Variants in PUM2 observed in about 807,000 individuals in gnomAD.
PUM2 encodes pumilio RNA binding family member 2.
A neutral mutation model predicts 124.5 loss-of-function variants in PUM2; 57 were observed. That is an observed-to-expected ratio of 0.46 (90% CI 0.37 to 0.57). The LOEUF (loss-of-function observed/expected upper bound fraction) is 0.57. Ranked by LOEUF, PUM2 falls within the 20% of genes least tolerant of loss-of-function variation. The probability of loss-of-function intolerance (pLI) is 0.00; values close to 1 mark genes in which losing one functional copy is unlikely to be tolerated. For missense variants in PUM2, 1,065 were observed against 1,290.6 expected (o/e 0.83, Z 2.68); for synonymous variants, 460 against 446.1 (o/e 1.03, Z -0.39).
chr2:20,309,429 T>TAA lies in PUM2; in HGVS notation c.519-847_519-846dup, dbSNP rs781176010. On this transcript the variant is annotated intron_variant, in intron 5 of 20. Transcript: ENST00000361078. ...CAGCAAGAAAAGGATCTTTCTACAT[T>TAA]AAAAAAAAAAAAAAGGACCTTACTA... 1.7e-4 allele frequency among the ~76,000 whole-genome samples: 24 copies of TAA among 139,774 alleles called. No homozygotes were observed. In the East Asian group the frequency reaches 2.9e-3, roughly 17 times the overall value. 91.7% of individuals were successfully genotyped at this position (139,774 alleles called of 152,430 possible). A position where few individuals can be genotyped will look rare whatever the true frequency, so the allele number is the denominator to read the frequency against.
intron 1 of PUM2, among the ~76,000 whole-genome samples, chr2:20,334,775 C>T (rs1408265640): frequency 1.3e-5 from 2 of 152,182 alleles, no homozygotes; most frequent in African/African-American, 2.4e-5. Flanking sequence ...TGCAACTTCA[C>T]ACAGGCACTA....
chr2:20,270,576 C>T, intron 13 of PUM2, among the ~76,000 whole-genome samples: 1 of 152,104 alleles, frequency 6.6e-6, no homozygotes, highest in Middle Eastern at 3.2e-3. Flanking sequence ...AAAACAAAAA[C>T]TCCACAACTG....
chr2:20,300,881 G>A (rs1488945648), intron 7 of PUM2, among the ~76,000 whole-genome samples: 1 of 151,634 alleles, frequency 6.6e-6, no homozygotes, highest in Non-Finnish European at 1.5e-5. Flanking sequence ...CAAAGTCATC[G>A]CTCTGCTCAC....
At chr2:20,341,619 T>C (rs1217406597) in intron 1 of PUM2, among the ~76,000 whole-genome samples, 1 of 152,226 alleles carries the variant, frequency 6.6e-6, no homozygotes, top group East Asian at 1.9e-4. Context: ...GTTAGCAAAA[T>C]AAATTTCTTA....
chr2:20,281,005 T>C (rs146480245), intron 12 of PUM2, among the ~76,000 whole-genome samples: 45 of 152,288 alleles, frequency 3.0e-4, no homozygotes, highest in African/African-American at 1.0e-3. Flanking sequence ...GTTACTTGTA[T>C]ATGTGTATAC....
At chr2:20,291,603 T>C (rs1237108519) in intron 9 of PUM2, among the ~76,000 whole-genome samples, 1 of 152,224 alleles carries the variant, frequency 6.6e-6, no homozygotes, top group Non-Finnish European at 1.5e-5. Context: ...CTTTTCTTTC[T>C]TCCTTTTCTT....
intron 1 of PUM2, among the ~76,000 whole-genome samples, chr2:20,347,397 T>C (rs553297916): frequency 6.6e-6 from 1 of 152,156 alleles, no homozygotes; most frequent in Non-Finnish European, 1.5e-5. Context: ...AAAAAAACAC[T>C]AACATGTCTC....
intron 12 of PUM2, among the ~76,000 whole-genome samples, chr2:20,281,093 T>A (rs1671403271): frequency 6.6e-6 from 1 of 152,138 alleles, no homozygotes; most frequent in African/African-American, 2.4e-5. Context: ...TGTGCAAACT[T>A]GTAAGAGTCC....
In PUM2 at chr2:20,258,424, G is replaced by C. The variant is rs147825532; in HGVS notation, c.2356-53C>G. 11 of 1,565,942 alleles carry C rather than the reference G, an allele frequency of 7.0e-6. No individual in the cohort carries two copies. In the Middle Eastern group the frequency reaches 5.1e-4, roughly 72 times the overall value. ...CAAGTGACCTTAATATTGCTTTGTT[G>C]AACTTGAGTAAGGCAGTGTTTGCAG... On this transcript the variant is annotated intron_variant, in intron 15 of 20. Transcript: ENST00000361078.
At chr2:20,305,697 T>G (rs117804513) in intron 7 of PUM2, among the ~76,000 whole-genome samples, 1 of 152,236 alleles carries the variant, frequency 6.6e-6, no homozygotes, top group East Asian at 1.9e-4. Flanking sequence ...TTCAACTATT[T>G]TAAAATATCA....
intron 10 of PUM2, among the ~76,000 whole-genome samples, chr2:20,286,404 G>A (rs1296856269): frequency 6.6e-6 from 1 of 152,170 alleles, no homozygotes; most frequent in Non-Finnish European, 1.5e-5. Context: ...AGAATTATAA[G>A]AACAGAATTT....
intron 2 of PUM2, among the ~76,000 whole-genome samples, chr2:20,319,815 A>ATGC (rs1449288915): frequency 6.6e-6 from 1 of 152,236 alleles, no homozygotes; most frequent in Non-Finnish European, 1.5e-5. Context: ...AGGAAGTTAG[A>ATGC]TGCTCTACTG....
chr2:20,344,996 A>AAG (rs1409368049), intron 1 of PUM2, among the ~76,000 whole-genome samples: 3 of 150,388 alleles, frequency 2.0e-5, no homozygotes, highest in Non-Finnish European at 4.4e-5. Context: ...AAAAAAAAAA[A>AAG]AAAAAAAAGA....
chr2:20,256,783 C>T (rs1018735128), intron 16 of PUM2, among the ~76,000 whole-genome samples: 1 of 152,060 alleles, frequency 6.6e-6, no homozygotes, highest in African/African-American at 2.4e-5. Flanking sequence ...CGATGGCTCA[C>T]ACCTGTAATC....
chr2:20,254,396 C>A (rs1251765851), intron 19 of PUM2, among the ~76,000 whole-genome samples: 2 of 152,122 alleles, frequency 1.3e-5, no homozygotes, highest in African/African-American at 4.8e-5. Flanking sequence ...CTCGACTGAT[C>A]CTCCTGCCTT....
At chr2:20,342,337 T>C (rs770700766) in intron 1 of PUM2, among the ~76,000 whole-genome samples, 1 of 152,214 alleles carries the variant, frequency 6.6e-6, no homozygotes, top group African/African-American at 2.4e-5. Context: ...CCTTGTCCAA[T>C]ACATTTCAGG....
intron 3 of PUM2, 54 bp from the exon 4 acceptor site, chr2:20,312,477 T>A (rs1488773985): frequency 1.4e-6 from 2 of 1,469,602 alleles, no homozygotes; most frequent in African/African-American, 1.4e-5. Context: ...TTAAACAAAA[T>A]GTAGTTAAAT....
intron 7 of PUM2, 47 bp from the exon 8 acceptor site, chr2:20,297,725 AT>A (rs747745002): frequency 1.3e-6 from 2 of 1,552,478 alleles, no homozygotes; most frequent in African/African-American, 1.4e-5. Flanking sequence ...GTAAAGTATG[AT>A]TTTTTTCATT....
chr2:20,315,895 A>G (rs944238628), intron 3 of PUM2, among the ~76,000 whole-genome samples: 3 of 151,748 alleles, frequency 2.0e-5, no homozygotes, highest in African/African-American at 7.3e-5. Flanking sequence ...TTTTTAAATC[A>G]TTGGTTCTGA....
Sources: allele counts gnomAD v4.1 joint callset (sites outside exome capture counted in the v4.1 genomes callset), GRCh38; gene constraint gnomAD v4.1.1; transcripts MANE v1.5; gene names NCBI Gene and HGNC (gene_info 2026-07-23, HGNC 2026-07-21).